The following ADGRL3 variants were observed in gnomAD, a reference collection of about 807,000 sequenced individuals.
ADGRL3 encodes the protein calcium-independent alpha-latrotoxin receptor 3.
In ADGRL3, 62 loss-of-function variants were observed where a neutral mutation model predicts 153.5. The ratio of observed to expected loss-of-function variants is 0.40; its 90% confidence interval spans 0.33 to 0.50. The LOEUF is 0.50. Among genes scored for constraint, ADGRL3 ranks in the 20% least tolerant of loss-of-function variants. The probability of loss-of-function intolerance (pLI) is 0.47; values close to 1 mark genes in which losing one functional copy is unlikely to be tolerated. For synonymous variants in ADGRL3, 710 were observed against 672.5 expected, an observed-to-expected ratio of 1.06 and a Z score of -0.86; for missense variants, 1,641 against 1,859.4, an observed-to-expected ratio of 0.88 and a Z score of 2.16.
At chr4:62,021,060 C>A (rs909114973) in intron 21 of ADGRL3, among the ~76,000 whole-genome samples, 1 of 151,888 alleles carries the variant, frequency 6.6e-6, no homozygotes, top group African/African-American at 2.4e-5. Flanking sequence ...TGTATTTACA[C>A]TTAATATATA....
intron 8 of ADGRL3, among the ~76,000 whole-genome samples, chr4:61,781,912 T>G (rs2097218286): frequency 6.6e-6 from 1 of 152,174 alleles, no homozygotes; most frequent in Admixed American, 6.5e-5. Context: ...TTATTCTAAA[T>G]GATAAGGTTA....
At chr4:61,279,674 A>G (rs2149957646) in intron 1 of ADGRL3, among the ~76,000 whole-genome samples, 1 of 152,284 alleles carries the variant, frequency 6.6e-6, no homozygotes, top group East Asian at 1.9e-4. Context: ...TTTCCATTTG[A>G]GGACTTTACA....
At chr4:61,561,978 C>CATATCT (rs947193102) in intron 4 of ADGRL3, among the ~76,000 whole-genome samples, 1 of 152,020 alleles carries the variant, frequency 6.6e-6, no homozygotes, top group South Asian at 2.1e-4. Context: ...TAGGAATTCA[C>CATATCT]ATATCTATAT....
chr4:61,889,978 G>T (rs533325971), intron 9 of ADGRL3, among the ~76,000 whole-genome samples: 1 of 152,076 alleles, frequency 6.6e-6, no homozygotes, highest in Non-Finnish European at 1.5e-5. Flanking sequence ...CATAATCCTC[G>T]AGAAGGGAAA....
intron 5 of ADGRL3, among the ~76,000 whole-genome samples, chr4:61,629,810 C>A (rs1359293349): frequency 7.1e-6 from 1 of 141,750 alleles, no homozygotes; most frequent in Admixed American, 7.2e-5. Flanking sequence ...ATGCAGACTG[C>A]CAGAATCACA....
intron 9 of ADGRL3, among the ~76,000 whole-genome samples, chr4:61,884,346 A>G (rs73220167): frequency 0.016 from 2,472 of 152,276 alleles, 57 homozygotes; most frequent in African/African-American, 0.057. Context: ...TCTGTGCCTC[A>G]GTTATGCATG....
intron 5 of ADGRL3, among the ~76,000 whole-genome samples, chr4:61,618,940 C>T (rs934694263): frequency 4.6e-5 from 7 of 152,252 alleles, no homozygotes; most frequent in East Asian, 3.9e-4. Flanking sequence ...TGGTCTCGAA[C>T]TCCTGAACGC....
chr4:61,203,641 A>G (rs551497397), intron 1 of ADGRL3, among the ~76,000 whole-genome samples: 1 of 152,368 alleles, frequency 6.6e-6, no homozygotes, highest in South Asian at 2.1e-4. Flanking sequence ...ATCTGCAAAG[A>G]AACACTTCTT....
Position 61,646,588 on chromosome 4 carries a change from C to T in ADGRL3, c.474-30238C>T, listed in dbSNP as rs191181052. 8.6e-3 allele frequency among the ~76,000 whole-genome samples: 1,305 copies of T among 151,488 alleles called. 28 individuals are homozygous for T. The highest frequency in any genetic ancestry group is 0.03 in the African/African-American group (1,238 of 40,842). ...AGGGGTGCCTCCCAGTTAGGCTGTT[C>T]GGGGGTCAGGGGTCAGGGACCCACT... On this transcript the variant is annotated intron_variant, in intron 5 of 26. Transcript: ENST00000683033.
chr4:61,651,793 A>AT (rs2094265960), intron 5 of ADGRL3, among the ~76,000 whole-genome samples: 1 of 98,530 alleles, frequency 1.0e-5, no homozygotes. Context: ...TTTTTTTTGT[A>AT]TTTTAGTAGA....
intron 1 of ADGRL3, among the ~76,000 whole-genome samples, chr4:61,350,118 G>T (rs2096010958): frequency 6.6e-6 from 1 of 152,126 alleles, no homozygotes; most frequent in Non-Finnish European, 1.5e-5. Flanking sequence ...ATTGTAGATT[G>T]AAAGCAGAGA....
At chr4:61,968,213 G>A (rs1560444274) in intron 17 of ADGRL3, among the ~76,000 whole-genome samples, 1 of 152,138 alleles carries the variant, frequency 6.6e-6, no homozygotes, top group African/African-American at 2.4e-5. Flanking sequence ...AGAAATTCCT[G>A]TTTAACTTGA....
At chr4:61,505,563 G>A (rs1292406698) in intron 3 of ADGRL3, among the ~76,000 whole-genome samples, 1 of 152,028 alleles carries the variant, frequency 6.6e-6, no homozygotes, top group Non-Finnish European at 1.5e-5. Flanking sequence ...TGGTAGCCAA[G>A]AAAAATTTCT....
chr4:61,657,546 G>T (rs182613024), intron 5 of ADGRL3, among the ~76,000 whole-genome samples: 213 of 151,404 alleles, frequency 1.4e-3, no homozygotes, highest in African/African-American at 4.4e-3. Flanking sequence ...TTTTTAATGG[G>T]ATATAAAAAT....
chr4:61,540,887 A>G (rs1315916889), intron 4 of ADGRL3, among the ~76,000 whole-genome samples: 1 of 152,224 alleles, frequency 6.6e-6, no homozygotes, highest in Non-Finnish European at 1.5e-5. Context: ...GTTAAAATAT[A>G]AAATGATCGT....
intron 6 of ADGRL3, among the ~76,000 whole-genome samples, chr4:61,692,583 C>A (rs2095559925): frequency 6.6e-6 from 1 of 151,852 alleles, no homozygotes; most frequent in African/African-American, 2.4e-5. Context: ...ACTGAGTTTA[C>A]AGGCACCTGC....
At chr4:61,619,806 C>G (rs1437453506) in intron 5 of ADGRL3, among the ~76,000 whole-genome samples, 1 of 152,086 alleles carries the variant, frequency 6.6e-6, no homozygotes, top group Non-Finnish European at 1.5e-5. Flanking sequence ...TTTCTTTGTT[C>G]AATCCAGCTA....
At chr4:61,279,218 T>A (rs2093618283) in intron 1 of ADGRL3, among the ~76,000 whole-genome samples, 1 of 152,198 alleles carries the variant, frequency 6.6e-6, no homozygotes, top group African/African-American at 2.4e-5. Flanking sequence ...CAAATGGGTA[T>A]CACTACTGAT....
chr4:61,952,101 G>T (rs1458091017), intron 17 of ADGRL3, among the ~76,000 whole-genome samples: 1 of 152,096 alleles, frequency 6.6e-6, no homozygotes, highest in Non-Finnish European at 1.5e-5. Flanking sequence ...AGTAAAAATA[G>T]GGAAAGTATT....
Sources: allele counts gnomAD v4.1 joint callset (sites outside exome capture counted in the v4.1 genomes callset), GRCh38; gene constraint gnomAD v4.1.1; transcripts MANE v1.5; gene names NCBI Gene and HGNC (gene_info 2026-07-23, HGNC 2026-07-21).